The following GPC6 variants were observed in gnomAD, a reference collection of about 807,000 sequenced individuals.
GPC6 encodes the protein glypican-6.
A neutral mutation model predicts 55.2 loss-of-function variants in GPC6; 14 were observed. The ratio of observed to expected loss-of-function variants is 0.25; its 90% CI spans 0.17 to 0.40. GPC6 has a LOEUF of 0.40. GPC6 is among the 10% of genes least tolerant of loss of function. GPC6 has a pLI of 1.00. For missense variants in GPC6, 641 were observed against 708.5 expected (o/e 0.90, Z 1.08); for synonymous variants, 278 against 259.6 (o/e 1.07, Z -0.68).
intron 2 of GPC6, among the ~76,000 whole-genome samples, chr13:93,796,097 G>A (rs1046683339): frequency 2.6e-5 from 4 of 151,548 alleles, no homozygotes; most frequent in African/African-American, 9.7e-5. Flanking sequence ...TTGGGAGGCT[G>A]AGGTGGGAGG....
chr13:94,072,543 G>A (rs9516339), intron 4 of GPC6, among the ~76,000 whole-genome samples: 20,129 of 152,146 alleles, frequency 0.13, 1,779 homozygotes, highest in East Asian at 0.45. Flanking sequence ...TAGTAGAGAC[G>A]GGGTTTCACC....
chr13:93,496,389 C>T (rs1159703062), intron 1 of GPC6, among the ~76,000 whole-genome samples: 1 of 152,168 alleles, frequency 6.6e-6, no homozygotes, highest in Non-Finnish European at 1.5e-5. Flanking sequence ...GGCTCGCGCA[C>T]CCACTGGCCT....
intron 1 of GPC6, among the ~76,000 whole-genome samples, chr13:93,407,658 G>C (rs1399230115): frequency 3.3e-5 from 5 of 152,158 alleles, no homozygotes. Context: ...AAAAGATGTT[G>C]AGATATGCCT....
chr13:94,270,342 T>G (rs183925389), intron 4 of GPC6, among the ~76,000 whole-genome samples: 103 of 152,222 alleles, frequency 6.8e-4, no homozygotes, highest in African/African-American at 2.4e-3. Flanking sequence ...AAGCCAACAA[T>G]AAGACAATTG....
intron 2 of GPC6, among the ~76,000 whole-genome samples, chr13:93,783,975 A>G (rs1275011000): frequency 6.6e-6 from 1 of 152,212 alleles, no homozygotes; most frequent in Non-Finnish European, 1.5e-5. Flanking sequence ...ACGTCATGTA[A>G]TATGTAGTTA....
intron 4 of GPC6, among the ~76,000 whole-genome samples, chr13:94,221,628 A>G (rs182361107): frequency 3.4e-4 from 51 of 152,234 alleles, no homozygotes; most frequent in Non-Finnish European, 5.7e-4. Flanking sequence ...CTCATATGAC[A>G]GAATCATGTT....
At chr13:93,250,662 G>C (rs1015884569) in intron 1 of GPC6, among the ~76,000 whole-genome samples, 3 of 152,146 alleles carry the variant, frequency 2.0e-5, no homozygotes, top group Non-Finnish European at 4.4e-5. Context: ...GAGGGGTGTA[G>C]CTCTCCCTCT....
At chr13:93,789,651 C>T (rs9556327) in intron 2 of GPC6, among the ~76,000 whole-genome samples, 29,898 of 94,762 alleles carry the variant, frequency 0.32, 5,471 homozygotes, top group African/African-American at 0.42. Context: ...ATATAGTATT[C>T]GGTTAAATGT....
At chr13:94,334,546 G>A (rs1322950948) in intron 6 of GPC6, among the ~76,000 whole-genome samples, 1 of 152,226 alleles carries the variant, frequency 6.6e-6, no homozygotes, top group East Asian at 1.9e-4. Flanking sequence ...TGGTTCCTGG[G>A]ACAACAGCAT....
intron 2 of GPC6, among the ~76,000 whole-genome samples, chr13:93,580,374 A>G (rs1418464178): frequency 2.0e-5 from 3 of 152,248 alleles, no homozygotes; most frequent in Non-Finnish European, 4.4e-5. Flanking sequence ...TTAGTTTATA[A>G]CATGTATTAT....
intron 1 of GPC6, among the ~76,000 whole-genome samples, chr13:93,247,606 T>C (rs1228893678): frequency 1.3e-5 from 2 of 152,200 alleles, no homozygotes. Context: ...CTTAGGCCAA[T>C]CTTTTTATAT....
intron 3 of GPC6, among the ~76,000 whole-genome samples, chr13:94,012,561 T>A (rs961470411): frequency 1.2e-4 from 18 of 152,200 alleles, no homozygotes; most frequent in Non-Finnish European, 2.5e-4. Context: ...CATATTTATG[T>A]TTTGTACATC....
chr13:93,744,566 A>G (rs1207600656), intron 2 of GPC6, among the ~76,000 whole-genome samples: 1 of 108,884 alleles, frequency 9.2e-6, no homozygotes, highest in Non-Finnish European at 1.8e-5. Flanking sequence ...CAGTTGATCA[A>G]TTCCTCCACT....
intron 7 of GPC6, among the ~76,000 whole-genome samples, chr13:94,394,912 C>T (rs547366867): frequency 1.2e-4 from 19 of 152,248 alleles, no homozygotes; most frequent in African/African-American, 4.3e-4. Flanking sequence ...GTAGCATTCC[C>T]ATGTAAGCTA....
At chr13:93,612,674 A>G (rs1878534456) in intron 2 of GPC6, among the ~76,000 whole-genome samples, 2 of 152,202 alleles carry the variant, frequency 1.3e-5, no homozygotes, top group African/African-American at 4.8e-5. Context: ...TAAATTAGGA[A>G]GTGCAAAACT....
intron 4 of GPC6, among the ~76,000 whole-genome samples, chr13:94,186,458 C>A (rs1889190371): frequency 6.6e-6 from 1 of 152,108 alleles, no homozygotes; most frequent in South Asian, 2.1e-4. Context: ...CCAGTCTTTC[C>A]AAAGTACTTA....
At chr13:94,094,177 A>G (rs1169981710) in intron 4 of GPC6, among the ~76,000 whole-genome samples, 1 of 152,096 alleles carries the variant, frequency 6.6e-6, no homozygotes, top group African/African-American at 2.4e-5. Context: ...TCTAAAAAAA[A>G]ATGAAACAGC....
chr13:93,664,687 G>A (rs150820506), intron 2 of GPC6, among the ~76,000 whole-genome samples: 2 of 151,926 alleles, frequency 1.3e-5, no homozygotes, highest in Non-Finnish European at 2.9e-5. Context: ...ATGTGATCTC[G>A]GCTCACTGCA....
chr13:93,969,920 T>C (rs185980681), intron 3 of GPC6, among the ~76,000 whole-genome samples: 1 of 152,302 alleles, frequency 6.6e-6, no homozygotes, highest in African/African-American at 2.4e-5. Flanking sequence ...TATGGCTAAA[T>C]AGTATTCCAT....
Sources: gnomAD v4.1 joint callset for allele counts (sites outside exome capture counted in the v4.1 genomes callset) on GRCh38, gnomAD v4.1.1 for gene constraint, MANE v1.5 for transcripts, NCBI Gene and HGNC (gene_info 2026-07-23, HGNC 2026-07-21) for gene names.